The following PCDH11X variants were observed in gnomAD, a reference collection of about 807,000 sequenced individuals.
The protein encoded by PCDH11X is protocadherin 11 X-linked, also known as protocadherin-11 X-linked.
Under a neutral mutation model 53.3 loss-of-function variants are expected in PCDH11X, and 18 were observed. The ratio of observed to expected loss-of-function variants is 0.34; its 90% confidence interval spans 0.23 to 0.50. The LOEUF is 0.50. PCDH11X is among the 20% of genes least tolerant of loss of function. The pLI is 0.98. For synonymous variants in PCDH11X, 279 were observed against 393.3 expected (o/e 0.71, Z 3.44); for missense variants, 570 against 1,032.4 (o/e 0.55, Z 6.14).
At chrX:91,990,549 C>A (rs1235493391) in intron 6 of PCDH11X, among the ~76,000 whole-genome samples, 3 of 111,733 alleles carry the variant, frequency 2.7e-5, no homozygotes, top group Non-Finnish European at 5.6e-5. Flanking sequence ...TGGACATTTT[C>A]TGAATTTTAT....
intron 10 of PCDH11X, among the ~76,000 whole-genome samples, chrX:92,475,306 C>G (rs2073359188): frequency 9.3e-6 from 1 of 108,101 alleles, no homozygotes; most frequent in Non-Finnish European, 1.9e-5. Context: ...CATTAACATT[C>G]TATTCTTTTT....
intron 6 of PCDH11X, among the ~76,000 whole-genome samples, chrX:92,186,792 T>C (rs1200604693): frequency 1.1e-4 from 12 of 110,959 alleles, no homozygotes; most frequent in Non-Finnish European, 1.7e-4. Context: ...TAATAATTTA[T>C]TGTATATCTT....
chrX:92,403,944 T>C (rs1265287493), intron 9 of PCDH11X, among the ~76,000 whole-genome samples: 1 of 110,726 alleles, frequency 9.0e-6, no homozygotes, highest in Non-Finnish European at 1.9e-5. Flanking sequence ...TTTAAGAAGA[T>C]GGTTGGAATG....
At position 92,114,058 on chromosome X, in the gene PCDH11X, A is replaced by G; in HGVS notation, c.3034-87317A>G. On this transcript the variant is annotated intron_variant, in intron 6 of 10. Transcript: ENST00000682573. ...CTCAGCACGCACATTGGTGCCCCTG[A>G]TACAGGCATGACAGGAGGCACCCAT... 3 of 1,185,865 alleles carry G rather than the reference A, an allele frequency of 2.5e-6. No individual in the cohort carries two copies. The South Asian group carries it at 5.3e-5, about 21-fold the overall frequency.
rs1851556447 is a variant in PCDH11X at position 91,835,702 on chromosome X, G to A, written c.198G>A (p.Val66=). The A allele has an allele frequency of 4.1e-6, 5 of 1,209,233 alleles. No homozygotes were observed. In the African/African-American group the frequency reaches 7.0e-5, roughly 17 times the overall value. Residue 66 remains valine, a synonymous_variant, in exon 5 of 11, where the codon GTG becomes GTA. Coordinates refer to ENST00000682573, the MANE Select transcript of PCDH11X (RefSeq NM_032968.5). The stretch of plus-strand genomic sequence containing the variant: ...CAACTGCTATGCAGTTCAAGCTAGT[G>A]TACAAGACCGGAGATGTGCCACTGA... ...SLTTAMQFKL[V]YKTGDVPLIR... is the part of the protein sequence containing the mutation.
chrX:92,202,323 C>T (rs2066404245), intron 7 of PCDH11X, among the ~76,000 whole-genome samples: 2 of 111,299 alleles, frequency 1.8e-5, no homozygotes, highest in African/African-American at 6.5e-5. Context: ...TTAAATTCTA[C>T]CATTTTGCCT....
In PCDH11X at chrX:91,926,509, C is replaced by T. The variant is rs556877157; in HGVS notation, c.3033+47236C>T. 4.5e-5 allele frequency among the ~76,000 whole-genome samples: 5 copies of T among 111,437 alleles called. No individual in the cohort carries two copies. The South Asian group carries it at 1.9e-3, about 42-fold the overall frequency. ...TGATGAGGGTGCTATTTTATCCTGG[C>T]TTCTATGACTTTATTTTTAACTATT... On this transcript the variant is annotated intron_variant, in intron 6 of 10. Transcript: ENST00000682573.
chrX:92,144,667 A>G (rs1339381152), intron 6 of PCDH11X, among the ~76,000 whole-genome samples: 4 of 110,746 alleles, frequency 3.6e-5, no homozygotes, highest in African/African-American at 1.3e-4. Flanking sequence ...GCCTCCTCCT[A>G]TACTAAAATC....
At chrX:91,805,588 G>A (rs1490996986) in intron 1 of PCDH11X, among the ~76,000 whole-genome samples, 3 of 111,061 alleles carry the variant, frequency 2.7e-5, no homozygotes, top group Non-Finnish European at 3.8e-5. Flanking sequence ...GCCAAAGCAG[G>A]GGGGCTTGCT....
chrX:92,604,616 T>A (rs1242109324), intron 10 of PCDH11X, among the ~76,000 whole-genome samples: 2 of 111,713 alleles, frequency 1.8e-5, no homozygotes, highest in African/African-American at 3.2e-5. Flanking sequence ...ATGATATTAA[T>A]AACAAAGTAA....
intron 9 of PCDH11X, among the ~76,000 whole-genome samples, chrX:92,432,124 T>G (rs2072263285): frequency 9.1e-6 from 1 of 110,359 alleles, no homozygotes; most frequent in Non-Finnish European, 1.9e-5. Context: ...CCCTTGTTAT[T>G]TTCTTTTTTC....
intron 6 of PCDH11X, among the ~76,000 whole-genome samples, chrX:91,910,984 A>G (rs1941351399): frequency 1.8e-5 from 2 of 111,427 alleles, no homozygotes; most frequent in Admixed American, 9.6e-5. Context: ...TAGAAAACCT[A>G]AAAGCGGAAC....
At chrX:92,516,335 A>T (rs1014758599) in intron 10 of PCDH11X, among the ~76,000 whole-genome samples, 8 of 112,306 alleles carry the variant, frequency 7.1e-5, no homozygotes, top group Non-Finnish European at 1.1e-4. Flanking sequence ...TGAAGTTCAG[A>T]CAATAAAAGA....
chrX:92,132,302 A>AG (rs2064992350), intron 6 of PCDH11X, among the ~76,000 whole-genome samples: 1 of 79,540 alleles, frequency 1.3e-5, no homozygotes, highest in African/African-American at 4.8e-5. Context: ...AAAAAAAAAA[A>AG]AAAAAAAAAA....
At chrX:91,855,407 G>A (rs1178291137) in intron 5 of PCDH11X, among the ~76,000 whole-genome samples, 2 of 110,470 alleles carry the variant, frequency 1.8e-5, no homozygotes, top group Non-Finnish European at 3.8e-5. Context: ...TAGCTCTGTA[G>A]TATAATTTGA....
At chrX:92,564,030 C>T (rs909661016) in intron 10 of PCDH11X, among the ~76,000 whole-genome samples, 2 of 109,329 alleles carry the variant, frequency 1.8e-5, no homozygotes, top group African/African-American at 3.3e-5. Flanking sequence ...ACAATAGCCA[C>T]AAGTAAAATT....
intron 6 of PCDH11X, among the ~76,000 whole-genome samples, chrX:92,152,792 TATG>T (rs1308042852): frequency 1.7e-3 from 183 of 105,100 alleles, no homozygotes; most frequent in East Asian, 9.9e-3. Flanking sequence ...TGTATGTATG[TATG>T]TATTTATTTA....
At chrX:92,611,154 T>A (rs1927333762) in intron 10 of PCDH11X, among the ~76,000 whole-genome samples, 1 of 110,589 alleles carries the variant, frequency 9.0e-6, no homozygotes, top group African/African-American at 3.3e-5. Context: ...TTTGGTAGTT[T>A]GATAGGAAGA....
intron 5 of PCDH11X, among the ~76,000 whole-genome samples, chrX:91,858,163 C>T (rs1463571125): frequency 6.4e-5 from 7 of 109,478 alleles, no homozygotes; most frequent in African/African-American, 2.3e-4. Context: ...GGGGCTTCCA[C>T]CCTCTGAAGC....
Sources: allele counts gnomAD v4.1 joint callset (sites outside exome capture counted in the v4.1 genomes callset), GRCh38; gene constraint gnomAD v4.1.1; transcripts MANE v1.5; gene names NCBI Gene and HGNC (gene_info 2026-07-23, HGNC 2026-07-21).